Variants in FBXL17 observed in about 807,000 individuals in gnomAD.
FBXL17 encodes the protein F-box and leucine rich repeat protein 17, also known as F-box/LRR-repeat protein 17.
A neutral mutation model predicts 66.2 loss-of-function variants in FBXL17; 22 were observed. The observed-to-expected ratio is 0.33, with a 90% CI of 0.24 to 0.47. The LOEUF (loss-of-function observed/expected upper bound fraction) is 0.47. FBXL17 is among the 20% of genes least tolerant of loss of function. FBXL17 has a pLI of 1.00. For missense variants in FBXL17, 878 were observed against 948.2 expected, an observed-to-expected ratio of 0.93 and a Z score of 0.97; for synonymous variants, 474 against 400.5, an observed-to-expected ratio of 1.18 and a Z score of -2.19.
At chr5:108,348,252 A>G in intron 4 of FBXL17, 147 bp downstream of exon 4, 1 of 595,788 alleles carries the variant, frequency 1.7e-6, no homozygotes, top group East Asian at 3.1e-5. Flanking sequence ...AATTTATAAA[A>G]TCATCACTTT....
intron 7 of FBXL17, among the ~76,000 whole-genome samples, chr5:107,954,890 A>G (rs1446384339): frequency 6.6e-6 from 1 of 152,168 alleles, no homozygotes; most frequent in Non-Finnish European, 1.5e-5. Context: ...AGGTTGCAAA[A>G]TTTCTATTTT....
intron 3 of FBXL17, among the ~76,000 whole-genome samples, chr5:108,355,070 A>G (rs1747891665): frequency 6.6e-6 from 1 of 152,116 alleles, no homozygotes; most frequent in Non-Finnish European, 1.5e-5. Flanking sequence ...ACTTGGATCA[A>G]TACAAAGAAA....
chr5:108,085,632 C>G (rs1399849178), intron 6 of FBXL17, among the ~76,000 whole-genome samples: 1 of 152,152 alleles, frequency 6.6e-6, no homozygotes, highest in African/African-American at 2.4e-5. Flanking sequence ...ATACTGAATA[C>G]TTTGAACAAC....
intron 6 of FBXL17, among the ~76,000 whole-genome samples, chr5:108,181,867 T>C (rs1272200898): frequency 6.6e-6 from 1 of 152,174 alleles, no homozygotes; most frequent in Non-Finnish European, 1.5e-5. Flanking sequence ...TGATTAGCCA[T>C]TCACTTTTTC....
intron 7 of FBXL17, among the ~76,000 whole-genome samples, chr5:108,008,460 T>G (rs1754021702): frequency 6.6e-6 from 1 of 152,190 alleles, no homozygotes; most frequent in African/African-American, 2.4e-5. Flanking sequence ...TAGGACTGAT[T>G]AAATTTCAAA....
intron 6 of FBXL17, among the ~76,000 whole-genome samples, chr5:108,084,064 CT>C (rs569499295): frequency 3.6e-4 from 55 of 152,282 alleles, no homozygotes; most frequent in Admixed American, 2.3e-3. Flanking sequence ...CTTTCATATT[CT>C]TATAAAGTGG....
At chr5:107,889,590 A>C (rs1278356177) in intron 7 of FBXL17, among the ~76,000 whole-genome samples, 1 of 152,162 alleles carries the variant, frequency 6.6e-6, no homozygotes, top group African/African-American at 2.4e-5. Flanking sequence ...CAAAGGGAGC[A>C]AGCTAGCTGT....
chr5:108,009,121 T>C (rs990367782), intron 7 of FBXL17, among the ~76,000 whole-genome samples: 1 of 145,290 alleles, frequency 6.9e-6, no homozygotes, highest in Non-Finnish European at 1.5e-5. Context: ...TTCTAAGAAT[T>C]ATTTGCCATA....
chr5:108,125,239 T>C (rs1357080634), intron 6 of FBXL17, among the ~76,000 whole-genome samples: 1 of 152,066 alleles, frequency 6.6e-6, no homozygotes, highest in Non-Finnish European at 1.5e-5. Flanking sequence ...TTATTAAACA[T>C]TATACGCCTA....
intron 7 of FBXL17, among the ~76,000 whole-genome samples, chr5:107,969,165 A>G (rs1752267981): frequency 6.6e-6 from 1 of 152,154 alleles, no homozygotes; most frequent in Non-Finnish European, 1.5e-5. Context: ...AAAACTTAAA[A>G]CATTTACTAT....
intron 6 of FBXL17, among the ~76,000 whole-genome samples, chr5:108,178,144 G>A (rs553452818): frequency 6.6e-6 from 1 of 151,690 alleles, no homozygotes; most frequent in Admixed American, 6.6e-5. Flanking sequence ...TCCCAGTCTC[G>A]AGCTATCCTC....
chr5:107,946,264 T>C, intron 7 of FBXL17, among the ~76,000 whole-genome samples: 1 of 32,474 alleles, frequency 3.1e-5, no homozygotes, highest in African/African-American at 1.4e-4. Flanking sequence ...TTTATATATA[T>C]ATATATATAT....
rs147245300 is a variant in FBXL17 at position 108,258,068 on chromosome 5, C to T, written c.1507-33840G>A. ...GAGCATACTATAAACTGAATTGTGC[C>T]GCTCCAAAATTCTTACATTAAAGCC... On this transcript the variant is annotated intron_variant, in intron 4 of 8. Transcript: ENST00000542267. Among the ~76,000 whole-genome samples the T allele has an allele frequency of 2.8e-3, 421 of 152,130 alleles. 4 individuals carry two copies. The highest frequency in any genetic ancestry group is 9.6e-3 in the African/African-American group (400 of 41,496).
At chr5:108,026,588 G>T (rs1349258260) in intron 6 of FBXL17, among the ~76,000 whole-genome samples, 1 of 152,194 alleles carries the variant, frequency 6.6e-6, no homozygotes, top group East Asian at 1.9e-4. Context: ...CTCAAAGCAC[G>T]TTCTTAATAT....
At chr5:108,056,561 C>G (rs1474980827) in intron 6 of FBXL17, among the ~76,000 whole-genome samples, 1 of 152,070 alleles carries the variant, frequency 6.6e-6, no homozygotes, top group Non-Finnish European at 1.5e-5. Context: ...AGTAGTCAAC[C>G]CTAATATATT....
intron 7 of FBXL17, among the ~76,000 whole-genome samples, chr5:107,984,737 G>T (rs1484462931): frequency 2.0e-5 from 3 of 152,126 alleles, no homozygotes; most frequent in African/African-American, 4.8e-5. Context: ...AATTTGTTAT[G>T]CTTTTAAGAT....
chr5:107,965,605 T>C (rs1752095546), intron 7 of FBXL17, among the ~76,000 whole-genome samples: 1 of 152,174 alleles, frequency 6.6e-6, no homozygotes, highest in African/African-American at 2.4e-5. Flanking sequence ...TCCATGCAAA[T>C]GCAAAGCAGC....
intron 6 of FBXL17, among the ~76,000 whole-genome samples, chr5:108,183,231 G>A (rs549558262): frequency 4.0e-5 from 6 of 151,840 alleles, no homozygotes; most frequent in Admixed American, 2.6e-4. Flanking sequence ...AGTAAAGACG[G>A]GGTTTCACCA....
intron 6 of FBXL17, among the ~76,000 whole-genome samples, chr5:108,104,084 A>G (rs1749699158): frequency 6.6e-6 from 1 of 152,148 alleles, no homozygotes; most frequent in Non-Finnish European, 1.5e-5. Context: ...TGCCCAAGCT[A>G]GAGTGCAGTG....
Sources: allele counts gnomAD v4.1 joint callset (sites outside exome capture counted in the v4.1 genomes callset), GRCh38; gene constraint gnomAD v4.1.1; transcripts MANE v1.5; gene names NCBI Gene and HGNC (gene_info 2026-07-23, HGNC 2026-07-21).